The following FREM2 variants were observed in gnomAD, a reference collection of about 807,000 sequenced individuals.
The protein encoded by FREM2 is FRAS1 related extracellular matrix 2, also known as FRAS1-related extracellular matrix protein 2.
Under a neutral mutation model 219.9 loss-of-function variants are expected in FREM2, and 119 were observed. The observed-to-expected ratio is 0.54, with a 90% CI of 0.47 to 0.63. FREM2 has a LOEUF of 0.63. Ranked by LOEUF, FREM2 falls within the 30% of genes least tolerant of loss-of-function variation. The pLI is 0.00. For missense variants in FREM2, 4,030 were observed against 3,993.6 expected, an observed-to-expected ratio of 1.01 and a Z score of -0.25; for synonymous variants, 1,562 against 1,522.8, an observed-to-expected ratio of 1.03 and a Z score of -0.60.
chr13:38,814,577 A>C (rs1053956177), intron 6 of FREM2, among the ~76,000 whole-genome samples: 1 of 152,144 alleles, frequency 6.6e-6, no homozygotes, highest in Non-Finnish European at 1.5e-5. Context: ...TGTGGCCACC[A>C]CTGTTGGAAC....
At chr13:38,729,425 G>A (rs1202102615) in intron 2 of FREM2, among the ~76,000 whole-genome samples, 6 of 152,054 alleles carry the variant, frequency 3.9e-5, no homozygotes, top group African/African-American at 1.4e-4. Flanking sequence ...ACTCTCAGGG[G>A]TATACTAGCA....
intron 12 of FREM2, among the ~76,000 whole-genome samples, chr13:38,857,213 C>T (rs539436242): frequency 6.6e-6 from 1 of 152,114 alleles, no homozygotes; most frequent in Non-Finnish European, 1.5e-5. Flanking sequence ...TAAAAATATA[C>T]ACGTAAAGAT....
intron 6 of FREM2, among the ~76,000 whole-genome samples, chr13:38,838,835 G>A (rs912148590): frequency 6.6e-6 from 1 of 151,968 alleles, no homozygotes; most frequent in Non-Finnish European, 1.5e-5. Context: ...TCTCTAAACT[G>A]GTTATTCTAG....
In FREM2 at chr13:38,689,524, G is replaced by A. The variant is rs201714905; in HGVS notation, c.2180G>A (p.Arg727His). The change falls in exon 1 of 24, where the codon CGC (arginine) becomes CAC (histidine). Residue 727 changes from arginine to histidine, a missense_variant. Coordinates refer to ENST00000280481, the MANE Select transcript of FREM2 (RefSeq NM_207361.6). ...QLTPLRKKWL[R>H]YTDLDTDDRE... ...ACACCACTGAGGAAGAAGTGGCTGC[G>A]CTACACTGACCTGGACACAGATGAC... The A allele has an allele frequency of 2.8e-4, 446 of 1,613,846 alleles. 10 individuals carry two copies. Among genetic ancestry groups the A allele is most frequent in the South Asian group, 1.1e-3 (98 of 91,060 alleles).
Position 38,783,052 on chromosome 13 carries a change from A to G in FREM2, c.5642-18A>G, listed in dbSNP as rs948154796. ...AGCTCAGACAAAAATAATGCTTGCA[A>G]TTGTGTTTTCTCTCTAGAGCCAACT... On this transcript the variant is annotated intron_variant, in intron 4 of 23. Transcript: ENST00000280481. 2 of 1,612,796 alleles carry G rather than the reference A, an allele frequency of 1.2e-6. No individual in the cohort carries two copies. Among genetic ancestry groups the G allele is most frequent in the Admixed American group, 1.7e-5 (1 of 60,018 alleles).
intron 2 of FREM2, among the ~76,000 whole-genome samples, chr13:38,756,640 G>A (rs1391353276): frequency 6.7e-6 from 1 of 148,978 alleles, no homozygotes; most frequent in East Asian, 2.0e-4. Context: ...CGATTCTCGT[G>A]TCTCAGTCTC....
At chr13:38,789,816 AATAAT>A (rs1874488141) in intron 6 of FREM2, among the ~76,000 whole-genome samples, 1 of 150,128 alleles carries the variant, frequency 6.7e-6, no homozygotes, top group African/African-American at 2.4e-5. Context: ...TTATATATTT[AATAAT>A]TTAGATATTT....
At position 38,784,589 on chromosome 13, in the gene FREM2, T is replaced by C; in HGVS notation, c.5800T>C (p.Leu1934=). Residue 1934 remains leucine (L), a synonymous_variant, in exon 6 of 24, where the codon TTG becomes CTG. Coordinates refer to ENST00000280481, the MANE Select transcript of FREM2 (RefSeq NM_207361.6). The part of the protein sequence containing the change: ...TATGTVPTSV[L]SYSDYISRPE... ...AACTGGAACTGTGCCGACTTCCGTG[T>C]TGTCTTACTCTGATTACATATCCAG... 1 of 1,614,234 alleles carries C rather than the reference T, an allele frequency of 6.2e-7. No individual in the cohort carries two copies. The highest frequency in any genetic ancestry group is 8.5e-7 in the Non-Finnish European group (1 of 1,180,016).
intron 6 of FREM2, among the ~76,000 whole-genome samples, chr13:38,807,211 ATATATATATATATATATG>A (rs1216488430): frequency 1.8e-4 from 20 of 113,208 alleles, no homozygotes; most frequent in Admixed American, 6.3e-4. Flanking sequence ...ATATATATAT[ATATATATATATATATATG>A]TATGGTTTTG....
intron 6 of FREM2, among the ~76,000 whole-genome samples, chr13:38,820,091 T>G (rs1211298815): frequency 6.6e-6 from 1 of 152,152 alleles, no homozygotes; most frequent in African/African-American, 2.4e-5. Flanking sequence ...CTTGTTGATC[T>G]TTTATCAATT....
At chr13:38,747,393 A>ATGTG (rs1491337077) in intron 2 of FREM2, among the ~76,000 whole-genome samples, 6 of 56,824 alleles carry the variant, frequency 1.1e-4, no homozygotes, top group South Asian at 9.0e-4. Context: ...AGCTGATATA[A>ATGTG]TATGTGTGTG....
In FREM2 at chr13:38,882,604, C is replaced by T. The variant is rs1375247116; in HGVS notation, c.*1817C>T. 2.0e-5 allele frequency: 3 copies of T among 152,132 alleles called. No homozygotes were observed. The highest frequency in any genetic ancestry group is 3.2e-3 in the Middle Eastern group (1 of 316). 9.4% of individuals were successfully genotyped at this position (152,132 alleles called of 1,614,324 possible). A position where few individuals can be genotyped will look rare whatever the true frequency, so the allele number is the denominator to read the frequency against. The stretch of plus-strand genomic sequence containing the variant: ...ATCTACAGCTCAAAAGTCCCACTAA[C>T]GGCTTATATGAACAGAAAGTACTGT... On this transcript the variant is annotated 3_prime_UTR_variant, in exon 24 of 24. Coordinates refer to ENST00000280481, the MANE Select transcript of FREM2 (RefSeq NM_207361.6).
At chr13:38,813,504 C>T (rs1875592678) in intron 6 of FREM2, among the ~76,000 whole-genome samples, 1 of 12,164 alleles carries the variant, frequency 8.2e-5, no homozygotes, top group African/African-American at 2.5e-4. Flanking sequence ...CTCTCTCTCT[C>T]TCTCTCTCTC....
chr13:38,829,294 G>GT (rs1233074741), intron 6 of FREM2, among the ~76,000 whole-genome samples: 3 of 152,128 alleles, frequency 2.0e-5, no homozygotes, highest in African/African-American at 7.2e-5. Flanking sequence ...GCTGTTGATA[G>GT]TAAGAGTTTC....
In FREM2 at chr13:38,690,424, C is replaced by T. The variant is rs868033150; in HGVS notation, c.3080C>T (p.Pro1027Leu). ...ACCAGTGGTGAGATAGGCCTATTGC[C>T]TAAAGCGGATTCTTTTAACCTGAGT... The part of the protein sequence containing the change: ...THTSGEIGLL[P>L]KADSFNLSLS... The change falls in exon 1 of 24, where the codon CCT becomes CTT. Residue 1027 changes from proline to leucine, a missense_variant. This residue lies in a region of FREM2 where 3,102 missense variants were observed against 2,950.7 expected (regional missense o/e 1.05). Transcript: ENST00000280481. The T allele has an allele frequency of 3.1e-6, 5 of 1,614,172 alleles. No individual in the cohort carries two copies. In the African/African-American group the frequency reaches 5.3e-5, roughly 17 times the overall value.
chr13:38,851,601 C>T, intron 10 of FREM2, 85 bp from the exon 11 acceptor site: 1 of 1,072,876 alleles, frequency 9.3e-7, no homozygotes, highest in South Asian at 1.3e-5. Context: ...TTTATCCCCT[C>T]CCACATGGAA....
At position 38,690,791 on chromosome 13, in the gene FREM2, C is replaced by G. The variant is rs1308322676; in HGVS notation, c.3447C>G (p.Val1149=). The change falls in exon 1 of 24, where the codon GTC becomes GTG. Residue 1149 remains valine (V), a synonymous_variant. Transcript: ENST00000280481. ...KDLRQGHINY[V]QSVHKGVEPV... is the part of the protein sequence containing the mutation. The stretch of plus-strand genomic sequence containing the variant: ...TCAGGCAGGGCCACATAAACTATGT[C>G]CAGAGTGTCCATAAAGGGGTGGAAC... 1 of 1,614,072 alleles carries G rather than the reference C, an allele frequency of 6.2e-7. No homozygotes were observed. The highest frequency in any genetic ancestry group is 1.3e-5 in the African/African-American group (1 of 75,020).
chr13:38,797,725 A>G (rs1299832886), intron 6 of FREM2, among the ~76,000 whole-genome samples: 3 of 151,846 alleles, frequency 2.0e-5, no homozygotes, highest in Non-Finnish European at 4.4e-5. Context: ...TAGTAGTTTT[A>G]TAGTTTCATA....
intron 2 of FREM2, among the ~76,000 whole-genome samples, chr13:38,760,839 A>T (rs1332351011): frequency 1.3e-5 from 2 of 152,108 alleles, no homozygotes; most frequent in Non-Finnish European, 2.9e-5. Flanking sequence ...GACAAAAAAA[A>T]AATAGTAAAT....
Sources: allele counts gnomAD v4.1 joint callset (sites outside exome capture counted in the v4.1 genomes callset), GRCh38; gene constraint gnomAD v4.1.1; regional missense constraint gnomAD v4.1.1; transcripts MANE v1.5; gene names NCBI Gene and HGNC (gene_info 2026-07-23, HGNC 2026-07-21).